The following ANXA8 variants were observed in gnomAD, a reference collection of about 807,000 sequenced individuals.
ANXA8 encodes annexin A8.
Under a neutral mutation model 26.8 loss-of-function variants are expected in ANXA8, and 9 were observed. That is an observed-to-expected ratio of 0.34 (90% CI 0.20 to 0.59). The LOEUF is 0.59. ANXA8 is among the 20% of genes least tolerant of loss of function. The pLI is 0.84. For missense variants in ANXA8, 83 were observed against 238.5 expected (o/e 0.35, Z 4.29); for synonymous variants, 39 against 94.8 (o/e 0.41, Z 3.42).
the ANXA8 span, among the ~76,000 whole-genome samples, chr10:47,894,885 AACACACACACAAAAT>A: frequency 8.5e-5 from 13 of 152,218 alleles, no homozygotes; most frequent in Non-Finnish European, 1.9e-4. Flanking sequence ...TACACAATAC[AACACACACACAAAAT>A]ACACACACAG....
the ANXA8 span, among the ~76,000 whole-genome samples, chr10:47,898,798 A>G: frequency 2.3e-3 from 231 of 100,390 alleles, no homozygotes; most frequent in Non-Finnish European, 3.6e-3. Context: ...ATTCTGCTAT[A>G]GAAAGAGAAT....
the ANXA8 span, among the ~76,000 whole-genome samples, chr10:47,954,198 T>A: frequency 0.016 from 2,471 of 150,266 alleles, 57 homozygotes; most frequent in African/African-American, 0.058. Flanking sequence ...TACGATGGAG[T>A]ACGATTCAGC....
chr10:47,483,808 C>T (rs1377914456), intron 1 of ANXA8, 105 bp downstream of exon 1: 2 of 1,610,220 alleles, frequency 1.2e-6, no homozygotes, highest in Non-Finnish European at 1.7e-6. Context: ...CAAATGTAGA[C>T]TGAGCCACTC....
chr10:47,525,395 G>A, the ANXA8 span, among the ~76,000 whole-genome samples: 2 of 143,558 alleles, frequency 1.4e-5, no homozygotes, highest in South Asian at 2.2e-4. Flanking sequence ...AACAGAGCAG[G>A]ACTCCATCCC....
At chr10:47,735,690 G>C in the ANXA8 span, among the ~76,000 whole-genome samples, 1 of 151,718 alleles carries the variant, frequency 6.6e-6, no homozygotes, top group East Asian at 1.9e-4. Context: ...CCAGGTTGGA[G>C]TGCAGTGGTG....
the ANXA8 span, among the ~76,000 whole-genome samples, chr10:47,735,125 G>C: frequency 6.7e-6 from 1 of 150,100 alleles, no homozygotes; most frequent in Admixed American, 6.7e-5. Context: ...TTTGAGAGAC[G>C]GTCTTGCTCT....
At chr10:47,733,704 CT>C in the ANXA8 span, among the ~76,000 whole-genome samples, 1 of 149,300 alleles carries the variant, frequency 6.7e-6, no homozygotes. Flanking sequence ...AAGTGTTCGT[CT>C]TTATCAGTAG....
At chr10:47,776,719 A>G in the ANXA8 span, among the ~76,000 whole-genome samples, 2 of 151,904 alleles carry the variant, frequency 1.3e-5, no homozygotes, top group Non-Finnish European at 2.9e-5. Context: ...TAAGACCCAC[A>G]TGAGCGTAGA....
chr10:47,526,987 GA>G, the ANXA8 span, among the ~76,000 whole-genome samples: 8 of 48,458 alleles, frequency 1.7e-4, no homozygotes, highest in African/African-American at 5.8e-4. Flanking sequence ...AGGTAAGGAG[GA>G]AAAGATAGTT....
the ANXA8 span, among the ~76,000 whole-genome samples, chr10:47,738,671 G>A: frequency 1.3e-5 from 2 of 151,814 alleles, no homozygotes; most frequent in African/African-American, 2.4e-5. Flanking sequence ...CTGCCTCTCA[G>A]GCTCAAGCTA....
the ANXA8 span, among the ~76,000 whole-genome samples, chr10:47,577,220 A>T: frequency 1.6e-5 from 1 of 62,628 alleles, no homozygotes; most frequent in South Asian, 7.5e-4. Context: ...GCAAGACTCC[A>T]TCTCAAAAAA....
chr10:47,943,588 C>T, the ANXA8 span, among the ~76,000 whole-genome samples: 6 of 124,954 alleles, frequency 4.8e-5, no homozygotes, highest in African/African-American at 1.8e-4. Context: ...CATCCTGAGC[C>T]GAGTCACTGA....
At chr10:47,490,122 G>C in the ANXA8 span, among the ~76,000 whole-genome samples, 7,411 of 148,728 alleles carry the variant, frequency 0.05, 168 homozygotes, top group African/African-American at 0.1. Context: ...GCCTGCCTCA[G>C]GTTGGTTTCC....
chr10:47,703,644 C>T, the ANXA8 span, among the ~76,000 whole-genome samples: 395 of 151,232 alleles, frequency 2.6e-3, no homozygotes, highest in Middle Eastern at 0.01. Context: ...AATACTGCAC[C>T]GACACAAATG....
chr10:47,733,215 T>TTTTC, the ANXA8 span, among the ~76,000 whole-genome samples: 3 of 94,966 alleles, frequency 3.2e-5, no homozygotes, highest in Non-Finnish European at 7.2e-5. Flanking sequence ...CTTTCTTTCT[T>TTTTC]TCTTTCTCTT....
the ANXA8 span, among the ~76,000 whole-genome samples, chr10:47,500,374 ACT>A: frequency 7.6e-6 from 1 of 132,042 alleles, no homozygotes; most frequent in Non-Finnish European, 1.6e-5. Flanking sequence ...CGTCTACAAA[ACT>A]CTCCCTTTTC....
chr10:47,688,421 G>C, the ANXA8 span, among the ~76,000 whole-genome samples: 1 of 149,482 alleles, frequency 6.7e-6, no homozygotes, highest in Non-Finnish European at 1.5e-5. Context: ...GGCCAAAAAT[G>C]AGTAATTTTT....
At chr10:47,673,531 A>T in the ANXA8 span, among the ~76,000 whole-genome samples, 1 of 148,672 alleles carries the variant, frequency 6.7e-6, no homozygotes, top group African/African-American at 2.5e-5. Flanking sequence ...GCTGGGGAGG[A>T]GGAGCAGGGC....
the ANXA8 span, among the ~76,000 whole-genome samples, chr10:47,953,791 G>A: frequency 6.6e-6 from 1 of 150,830 alleles, no homozygotes; most frequent in Non-Finnish European, 1.5e-5. Context: ...ATATGAAAAG[G>A]TGCTCAACAT....
Sources: gnomAD v4.1 joint callset for allele counts (sites outside exome capture counted in the v4.1 genomes callset) on GRCh38, gnomAD v4.1.1 for gene constraint, MANE v1.5 for transcripts, NCBI Gene and HGNC (gene_info 2026-07-23, HGNC 2026-07-21) for gene names.